MKLN1: variants seen among roughly 807,000 people sequenced by gnomAD.
MKLN1 encodes the protein muskelin 1, also known as muskelin.
In MKLN1, 18 loss-of-function variants were observed where a neutral mutation model predicts 99.0. The observed-to-expected ratio is 0.18, with a 90% CI of 0.13 to 0.27. MKLN1 has a LOEUF of 0.27. Among genes scored for constraint, MKLN1 ranks in the 10% least tolerant of loss-of-function variants. The probability of loss-of-function intolerance (pLI) is 1.00; values close to 1 mark genes in which losing one functional copy is unlikely to be tolerated. For missense variants in MKLN1, 621 were observed against 875.9 expected (o/e 0.71, Z 3.67); for synonymous variants, 288 against 293.2 (o/e 0.98, Z 0.18).
At chr7:131,453,907 A>G (rs973309890) in intron 12 of MKLN1, among the ~76,000 whole-genome samples, 1 of 152,148 alleles carries the variant, frequency 6.6e-6, no homozygotes, top group Non-Finnish European at 1.5e-5. Flanking sequence ...TCGAAGAAAA[A>G]ATAATTCATA....
intron 12 of MKLN1, among the ~76,000 whole-genome samples, chr7:131,448,730 A>G (rs981620933): frequency 6.6e-6 from 1 of 152,168 alleles, no homozygotes; most frequent in African/African-American, 2.4e-5. Context: ...GCTATAATCA[A>G]TTTTTCTAAA....
chr7:131,425,475 C>T (rs1235675401), intron 8 of MKLN1, among the ~76,000 whole-genome samples: 2 of 152,118 alleles, frequency 1.3e-5, no homozygotes, highest in African/African-American at 2.4e-5. Context: ...TTATGTTGCT[C>T]TATTTGCCTT....
At chr7:131,168,869 CTTTTTTTT>C (rs61416767) in intron 2 of MKLN1, among the ~76,000 whole-genome samples, 76 of 139,232 alleles carry the variant, frequency 5.5e-4, no homozygotes, top group African/African-American at 1.9e-3. Flanking sequence ...TCGTTGTTTT[CTTTTTTTT>C]TTTTTTTTGA....
At chr7:131,407,380 C>T (rs1237996971) in intron 6 of MKLN1, among the ~76,000 whole-genome samples, 2 of 151,884 alleles carry the variant, frequency 1.3e-5, no homozygotes, top group Non-Finnish European at 2.9e-5. Context: ...CTATTGCAGG[C>T]TACATTTTTC....
chr7:131,312,714 G>A (rs996002661), intron 3 of MKLN1, among the ~76,000 whole-genome samples: 2 of 152,066 alleles, frequency 1.3e-5, no homozygotes, highest in African/African-American at 4.8e-5. Flanking sequence ...TTCTTTATAT[G>A]CTCTCTATGT....
At chr7:131,220,467 C>T (rs894552635) in intron 3 of MKLN1, among the ~76,000 whole-genome samples, 9 of 152,174 alleles carry the variant, frequency 5.9e-5, no homozygotes, top group East Asian at 5.8e-4. Flanking sequence ...GTCAATATAC[C>T]GAGACACCTG....
intron 3 of MKLN1, among the ~76,000 whole-genome samples, chr7:131,240,878 A>G (rs1240708172): frequency 6.6e-6 from 1 of 152,258 alleles, no homozygotes; most frequent in East Asian, 1.9e-4. Flanking sequence ...AAATGTGTAT[A>G]TACCTTACAG....
At chr7:131,313,304 T>C (rs138454106) in intron 3 of MKLN1, among the ~76,000 whole-genome samples, 258 of 152,324 alleles carry the variant, frequency 1.7e-3, no homozygotes, top group African/African-American at 6.0e-3. Flanking sequence ...AACAGACATG[T>C]ATACATGGTA....
chr7:131,189,399 G>A (rs949884590), intron 2 of MKLN1, among the ~76,000 whole-genome samples: 2 of 151,954 alleles, frequency 1.3e-5, no homozygotes, highest in Admixed American at 6.6e-5. Flanking sequence ...TAGCAACAGC[G>A]ATGTCAGAAG....
chr7:131,205,399 G>A (rs1421105466), intron 3 of MKLN1, among the ~76,000 whole-genome samples: 1 of 152,078 alleles, frequency 6.6e-6, no homozygotes, highest in Non-Finnish European at 1.5e-5. Context: ...ATCGCTTCTT[G>A]GGCATAGTCA....
chr7:131,315,710 G>C (rs534194926), intron 3 of MKLN1, among the ~76,000 whole-genome samples: 53 of 152,182 alleles, frequency 3.5e-4, no homozygotes, highest in Non-Finnish European at 6.2e-4. Flanking sequence ...GAGCTTGGTG[G>C]GGGGAGGGGC....
intron 7 of MKLN1, among the ~76,000 whole-genome samples, chr7:131,411,712 G>A (rs960098277): frequency 6.6e-6 from 1 of 151,792 alleles, no homozygotes; most frequent in African/African-American, 2.4e-5. Flanking sequence ...TTGAAGACCA[G>A]CCTGCCCAAC....
At chr7:131,167,671 C>CAAAA (rs59503509) in intron 2 of MKLN1, among the ~76,000 whole-genome samples, 32,180 of 115,320 alleles carry the variant, frequency 0.28, 4,073 homozygotes, top group East Asian at 0.56. Flanking sequence ...GACTCTGTCT[C>CAAAA]AAAAAAAAAA....
At chr7:131,403,656 G>A (rs1023267256) in intron 6 of MKLN1, among the ~76,000 whole-genome samples, 1 of 152,114 alleles carries the variant, frequency 6.6e-6, no homozygotes, top group Non-Finnish European at 1.5e-5. Flanking sequence ...ATATTAAATG[G>A]CCTAATTTCA....
intron 4 of MKLN1, among the ~76,000 whole-genome samples, chr7:131,392,852 G>A (rs13224214): frequency 2.0e-5 from 3 of 151,870 alleles, no homozygotes; most frequent in Admixed American, 6.6e-5. Context: ...CGATCCACCC[G>A]CCTTGGCCTC....
chr7:131,484,849 T>A (rs1271756813), intron 17 of MKLN1, among the ~76,000 whole-genome samples: 1 of 151,734 alleles, frequency 6.6e-6, no homozygotes, highest in African/African-American at 2.4e-5. Flanking sequence ...GTACATATGA[T>A]GTTGCTGGGA....
chr7:131,422,804 G>A (rs997692150), intron 8 of MKLN1, among the ~76,000 whole-genome samples: 2 of 151,582 alleles, frequency 1.3e-5, no homozygotes, highest in Admixed American at 6.6e-5. Flanking sequence ...GGTGTATGAT[G>A]GCACAAATTT....
chr7:131,383,920 G>A (rs535551277), intron 2 of MKLN1, among the ~76,000 whole-genome samples: 7 of 152,152 alleles, frequency 4.6e-5, no homozygotes, highest in Non-Finnish European at 8.8e-5. Flanking sequence ...CTTTTAATCC[G>A]CTCTCTGTAA....
At chr7:131,140,976 G>T (rs1795723601) in intron 1 of MKLN1, among the ~76,000 whole-genome samples, 1 of 152,076 alleles carries the variant, frequency 6.6e-6, no homozygotes, top group African/African-American at 2.4e-5. Context: ...AGTAGAGATG[G>T]GGCTTCACCG....
Sources: allele counts gnomAD v4.1 joint callset (sites outside exome capture counted in the v4.1 genomes callset), GRCh38; gene constraint gnomAD v4.1.1; transcripts MANE v1.5; gene names NCBI Gene and HGNC (gene_info 2026-07-23, HGNC 2026-07-21).